CELF6: variants seen among roughly 807,000 people sequenced by gnomAD.
CELF6 encodes the protein Bruno -like 6, RNA binding protein.
In CELF6, 32 loss-of-function variants were observed where a neutral mutation model predicts 53.1. That is an observed-to-expected ratio of 0.60 (90% CI 0.46 to 0.81). The LOEUF (loss-of-function observed/expected upper bound fraction) is 0.81, where lower values mean the gene tolerates loss of function less well. CELF6 is among the 30% of genes least tolerant of loss of function. The probability of loss-of-function intolerance (pLI) is 0.00; values close to 1 mark genes in which losing one functional copy is unlikely to be tolerated. For synonymous variants in CELF6, 291 were observed against 288.8 expected (o/e 1.01, Z -0.08); for missense variants, 539 against 669.5 (o/e 0.81, Z 2.15).
At chr15:72,307,285 C>T (rs554650242) in intron 2 of CELF6, among the ~76,000 whole-genome samples, 4 of 152,164 alleles carry the variant, frequency 2.6e-5, no homozygotes, top group East Asian at 1.9e-4. Context: ...GAGTGGGCAT[C>T]GGGTGGTACA....
chr15:72,299,151 T>C (rs1380714975), intron 3 of CELF6, among the ~76,000 whole-genome samples: 1 of 142,256 alleles, frequency 7.0e-6, no homozygotes, highest in Non-Finnish European at 1.5e-5. Flanking sequence ...GAGTTGTACC[T>C]TGCAGTGAGC....
Position 72,289,193 on chromosome 15 carries a change from G to T in CELF6, c.975C>A (p.Thr325=). 1.3e-6 allele frequency: 2 copies of T among 1,568,266 alleles called. No individual in the cohort carries two copies. Among genetic ancestry groups the T allele is most frequent in the Non-Finnish European group, 8.6e-7 (1 of 1,166,100 alleles). The change falls in exon 8 of 13, where the codon ACC becomes ACA. Residue 325 remains threonine (T), a synonymous_variant. Transcript: ENST00000287202. The surrounding 1 kb of genome is among the most constrained non-coding windows in gnomAD (Gnocchi z 7.6). The part of the protein sequence containing the change: ...VNGFGPLTPQ[T]NGQPGSDTLY... ...GCGTGTCGGAGCCCGGCTGGCCATT[G>T]GTCTGGGGGGTCAGAGGGCCGAATC...
In CELF6 at chr15:72,286,034, C is replaced by T. The variant is rs2087916682; in HGVS notation, c.*337G>A. Reference sequence around the variant, plus strand: ...AAGCAATAGTCCTTTGGTCCCTAAACTCTAAGGAATGATATGATTTTGAAA... The same window carrying T: ...AAGCAATAGTCCTTTGGTCCCTAAATTCTAAGGAATGATATGATTTTGAAA... On this transcript the variant is annotated 3_prime_UTR_variant, in exon 13 of 13. Coordinates refer to ENST00000287202, the MANE Select transcript of CELF6 (RefSeq NM_052840.5). 2 of 152,580 alleles carry T rather than the reference C, an allele frequency of 1.3e-5. No homozygotes were observed. Among genetic ancestry groups the T allele is most frequent in the South Asian group, 4.1e-4 (2 of 4,830 alleles). 9.5% of individuals were successfully genotyped at this position (152,580 alleles called of 1,614,324 possible). A position where few individuals can be genotyped will look rare whatever the true frequency, so the allele number is the denominator to read the frequency against.
intron 3 of CELF6, among the ~76,000 whole-genome samples, chr15:72,301,123 C>T: frequency 6.6e-6 from 1 of 151,836 alleles, no homozygotes; most frequent in East Asian, 1.9e-4. Context: ...AGCTGGGTAG[C>T]TGGGACTAAA....
chr15:72,316,122 C>T lies in CELF6; in HGVS notation c.263-195G>A, dbSNP rs113554624. Among the ~76,000 whole-genome samples the T allele has an allele frequency of 6.1e-3, 928 of 152,306 alleles. 4 individuals carry two copies. The highest frequency in any genetic ancestry group is 0.011 in the Non-Finnish European group (753 of 68,030). On this transcript the variant is annotated intron_variant, in intron 1 of 12. Transcript: ENST00000287202. ...TGGGGACCAGTGTCCCAGGCTCTGG[C>T]TCCCTTTCATTTGCTCCTGGCATCC...
At position 72,319,914 on chromosome 15, in the gene CELF6, C is replaced by T; in HGVS notation, c.-40G>A. 1 of 1,417,726 alleles carries T rather than the reference C, an allele frequency of 7.1e-7. No homozygotes were observed. Among genetic ancestry groups the T allele is most frequent in the South Asian group, 1.5e-5 (1 of 64,726 alleles). The allele number at this position is 1,417,726 out of a possible 1,614,324, so 87.8% of individuals were successfully genotyped here. On this transcript the variant is annotated 5_prime_UTR_variant, in exon 1 of 13. Transcript: ENST00000287202. The surrounding 1 kb of genome is among the most constrained non-coding windows in gnomAD (Gnocchi z 5.0). ...AGCCCTCCCGCCGGTCCCACTGGTC[C>T]CGCCTGTCCCGCCGTCCCCTCCCTG... is the stretch of plus-strand genomic sequence containing the variant.
intron 3 of CELF6, among the ~76,000 whole-genome samples, chr15:72,304,195 GT>G (rs1456263062): frequency 1.3e-5 from 2 of 152,106 alleles, no homozygotes; most frequent in Non-Finnish European, 2.9e-5. Context: ...AAGGAGCTCT[GT>G]TTTTTCTCTA....
intron 3 of CELF6, among the ~76,000 whole-genome samples, chr15:72,295,937 C>G (rs933320834): frequency 5.3e-5 from 8 of 152,030 alleles, no homozygotes; most frequent in Non-Finnish European, 1.2e-4. Flanking sequence ...ACTCCAAATA[C>G]CCAGCAATCT....
rs2082927659 is a variant in CELF6 at position 72,319,427 on chromosome 15, T to G, written c.262+186A>C. On this transcript the variant is annotated intron_variant, in intron 1 of 12. Transcript: ENST00000287202. The surrounding 1 kb of genome is among the most constrained non-coding windows in gnomAD (Gnocchi z 5.0). ...TGGAGAACATGTTAGGGGACCACAGTGATAATCAGAGGGAGGATGTCAGAG... is the reference window on the plus strand; with the variant it reads ...TGGAGAACATGTTAGGGGACCACAGGGATAATCAGAGGGAGGATGTCAGAG... Among the ~76,000 whole-genome samples the G allele has an allele frequency of 6.6e-6, 1 of 151,820 alleles. No individual in the cohort carries two copies. The highest frequency in any genetic ancestry group is 2.1e-4 in the South Asian group (1 of 4,816).
Position 72,289,657 on chromosome 15 carries a change from C to A in CELF6, c.717G>T (p.Pro239=). The part of the protein sequence containing the change: ...HLGAFHPAPL[P]LGACGAYTTA... The stretch of plus-strand genomic sequence containing the variant: ...TGGTGTAGGCGCCGCAGGCCCCTAG[C>A]GGCAGTGGCGCGGGGTGGAAGGCGC... The change falls in exon 6 of 13, where the codon CCG becomes CCT. Residue 239 remains proline (P), a synonymous_variant. Coordinates refer to ENST00000287202, the MANE Select transcript of CELF6 (RefSeq NM_052840.5). This position sits in a 1 kb window ranked among gnomAD's most constrained non-coding sequence, Gnocchi z 7.6. 2 of 1,501,136 alleles carry A rather than the reference C, an allele frequency of 1.3e-6. No individual in the cohort carries two copies. Among genetic ancestry groups the A allele is most frequent in the Non-Finnish European group, 8.8e-7 (1 of 1,134,142 alleles). The allele number at this position is 1,501,136 out of a possible 1,614,324, so 93.0% of individuals were successfully genotyped here.
rs1274894890 is a variant in CELF6, at chr15:72,319,985, AGGGCGGGGGGCTGCCCAGG to A, written c.-130_-112del. The stretch of plus-strand genomic sequence containing the variant: ...GGGAGGGGGCGGAGCCCGGGCGGAG[AGGGCGGGGGGCTGCCCAGG>A]GGGCGGGGTCCGGGTGGAGGGGCGT... On this transcript the variant is annotated 5_prime_UTR_variant, in exon 1 of 13. Transcript: ENST00000287202. This position sits in a 1 kb window ranked among gnomAD's most constrained non-coding sequence, Gnocchi z 5.0. The A allele has an allele frequency of 3.2e-6, 3 of 948,984 alleles. No individual in the cohort carries two copies. Among genetic ancestry groups the A allele is most frequent in the African/African-American group, 2.2e-5 (1 of 44,564 alleles). 58.8% of individuals were successfully genotyped at this position (948,984 alleles called of 1,614,324 possible). A position where few individuals can be genotyped will look rare whatever the true frequency, so the allele number is the denominator to read the frequency against.
chr15:72,308,813 C>T (rs2088262937), intron 2 of CELF6, among the ~76,000 whole-genome samples: 2 of 151,906 alleles, frequency 1.3e-5, no homozygotes, highest in South Asian at 4.2e-4. Context: ...TCAAGCAATT[C>T]TCCTGCCTCT....
chr15:72,307,406 G>A (rs1396421551), intron 2 of CELF6, among the ~76,000 whole-genome samples: 2 of 152,202 alleles, frequency 1.3e-5, no homozygotes, highest in Non-Finnish European at 2.9e-5. Flanking sequence ...AGACAGTGAT[G>A]ATCTGTATGG....
At chr15:72,286,434 T>A (rs1440420907) in intron 12 of CELF6, 92 bp from the exon 13 acceptor site, 1 of 152,592 alleles carries the variant, frequency 6.6e-6, no homozygotes, top group African/African-American at 2.4e-5. Context: ...CTTGCCCCCA[T>A]GAGTGACGTC....
At chr15:72,299,467 C>T (rs1055135573) in intron 3 of CELF6, among the ~76,000 whole-genome samples, 3 of 148,506 alleles carry the variant, frequency 2.0e-5, no homozygotes, top group Non-Finnish European at 4.4e-5. Flanking sequence ...TCAAGTGATT[C>T]TCCTGCCTTA....
rs776031442 is a variant in CELF6, at chr15:72,288,982, G to A, written c.1031-52C>T. 6 of 1,496,916 alleles carry A rather than the reference G, an allele frequency of 4.0e-6. No homozygotes were observed. In the East Asian group the frequency reaches 1.2e-4, roughly 31 times the overall value. The allele number at this position is 1,496,916 out of a possible 1,614,324, so 92.7% of individuals were successfully genotyped here. ...CAGTGAAGGCAAGCGGGCGAGCAGAGTGGGTGAGAAGCTCAGGGAGTGTGG... is the reference window on the plus strand; with the variant it reads ...CAGTGAAGGCAAGCGGGCGAGCAGAATGGGTGAGAAGCTCAGGGAGTGTGG... On this transcript the variant is annotated intron_variant, in intron 8 of 12. Transcript: ENST00000287202. This position sits in a 1 kb window ranked among gnomAD's most constrained non-coding sequence, Gnocchi z 4.6.
intron 1 of CELF6, among the ~76,000 whole-genome samples, chr15:72,317,103 G>A (rs1221871925): frequency 6.6e-6 from 1 of 152,222 alleles, no homozygotes; most frequent in East Asian, 1.9e-4. Context: ...GGTGTATGGG[G>A]GCAGAGTGGC....
At chr15:72,299,819 C>T (rs1048969942) in intron 3 of CELF6, among the ~76,000 whole-genome samples, 6 of 152,098 alleles carry the variant, frequency 3.9e-5, no homozygotes, top group Admixed American at 2.6e-4. Flanking sequence ...ATAGGAACAG[C>T]GTGGAACTTA....
At position 72,288,265 on chromosome 15, in the gene CELF6, T is replaced by C. The variant is rs776601202; in HGVS notation, c.1318+43A>G. The C allele has an allele frequency of 3.1e-6, 5 of 1,604,240 alleles. No individual in the cohort carries two copies. In the African/African-American group the frequency reaches 4.0e-5, roughly 13 times the overall value. The stretch of plus-strand genomic sequence containing the variant: ...CGTAGGGTCTGTAGGAAATCCTTTA[T>C]AGTCAGAGGTGGGAGAGGCCTAGGG... On this transcript the variant is annotated intron_variant, in intron 11 of 12. Transcript: ENST00000287202. This position sits in a 1 kb window ranked among gnomAD's most constrained non-coding sequence, Gnocchi z 4.6.
Sources: gnomAD v4.1 joint callset for allele counts (sites outside exome capture counted in the v4.1 genomes callset) on GRCh38, gnomAD v4.1.1 for gene constraint, Gnocchi (gnomAD v3.1) non-coding constraint, MANE v1.5 for transcripts, NCBI Gene and HGNC (gene_info 2026-07-23, HGNC 2026-07-21) for gene names.